Variants in THSD4 observed in about 807,000 individuals in gnomAD.
The protein encoded by THSD4 is thrombospondin type-1 domain-containing protein 4.
Under a neutral mutation model 119.0 loss-of-function variants are expected in THSD4, and 69 were observed. That is an observed-to-expected ratio of 0.58 (90% CI 0.48 to 0.71). THSD4 has a LOEUF of 0.71. THSD4 is among the 30% of genes least tolerant of loss of function. The pLI, the probability that THSD4 is intolerant of heterozygous loss-of-function variation, is 0.00. For synonymous variants in THSD4, 524 were observed against 540.4 expected (o/e 0.97, Z 0.42); for missense variants, 1,393 against 1,391.1 (o/e 1.00, Z -0.02).
intron 8 of THSD4, among the ~76,000 whole-genome samples, chr15:71,671,449 A>G (rs1346638389): frequency 1.3e-5 from 2 of 152,032 alleles, no homozygotes; most frequent in Non-Finnish European, 2.9e-5. Context: ...GTTCACTCTG[A>G]TGGTAGTTTG....
chr15:71,185,058 G>T (rs1384039022), intron 3 of THSD4, among the ~76,000 whole-genome samples: 1 of 151,588 alleles, frequency 6.6e-6, no homozygotes, highest in Non-Finnish European at 1.5e-5. Flanking sequence ...AAACCTTTGA[G>T]CTAAGCCCAT....
intron 5 of THSD4, among the ~76,000 whole-genome samples, chr15:71,248,391 C>T (rs370715330): frequency 1.3e-5 from 2 of 152,186 alleles, no homozygotes; most frequent in Non-Finnish European, 2.9e-5. Context: ...CTTTTAGGTG[C>T]TCTGAATGCA....
intron 7 of THSD4, among the ~76,000 whole-genome samples, chr15:71,458,062 G>A (rs55769043): frequency 3.9e-5 from 6 of 152,114 alleles, no homozygotes; most frequent in East Asian, 1.9e-4. Flanking sequence ...GAAACAATCC[G>A]GTGAAAATAT....
intron 11 of THSD4, among the ~76,000 whole-genome samples, chr15:71,744,819 T>C (rs899408821): frequency 2.6e-5 from 4 of 152,230 alleles, no homozygotes; most frequent in African/African-American, 9.6e-5. Flanking sequence ...ATGAAGATGC[T>C]TTGTATCTGC....
chr15:71,608,611 C>T (rs1366459778), intron 7 of THSD4, among the ~76,000 whole-genome samples: 1 of 152,070 alleles, frequency 6.6e-6, no homozygotes, highest in East Asian at 1.9e-4. Context: ...TCGGATTATG[C>T]CTTTAGGATT....
chr15:71,614,151 G>C (rs2047687), intron 7 of THSD4, among the ~76,000 whole-genome samples: 1 of 151,952 alleles, frequency 6.6e-6, no homozygotes, highest in African/African-American at 2.4e-5. Context: ...TCTGTCCCAG[G>C]TTAAACACTT....
upstream of THSD4, chr15:71,112,005 C>A (rs553474345): frequency 1.7e-6 from 2 of 1,165,076 alleles, no homozygotes; most frequent in South Asian, 1.6e-5. Flanking sequence ...ATAAGTTTCC[C>A]CCCAAAGGGT....
intron 7 of THSD4, among the ~76,000 whole-genome samples, chr15:71,487,562 A>G (rs2047841837): frequency 6.6e-6 from 1 of 152,212 alleles, no homozygotes; most frequent in Non-Finnish European, 1.5e-5. Flanking sequence ...ATAGAAAAAA[A>G]TCTTCTTTGA....
chr15:71,148,289 A>C (rs888571969), intron 2 of THSD4, among the ~76,000 whole-genome samples: 1 of 152,240 alleles, frequency 6.6e-6, no homozygotes, highest in South Asian at 2.1e-4. Context: ...CTGACAGTAC[A>C]GTAAACAACA....
In THSD4 at chr15:71,409,553, T is replaced by C. The variant is rs1055716161; in HGVS notation, c.1016-2134T>C. The stretch of plus-strand genomic sequence containing the variant: ...TCCATCTTGGTATTCTTTTATTTTT[T>C]CCCCCAAATCACCTCTTACATCTTT... On this transcript the variant is annotated intron_variant, in intron 6 of 17. Transcript: ENST00000261862. Among the ~76,000 whole-genome samples, 4 of 152,124 alleles carry C rather than the reference T, an allele frequency of 2.6e-5. No homozygotes were observed. In the South Asian group the frequency reaches 6.2e-4, roughly 24 times the overall value.
chr15:71,144,033 A>G (rs1247733499), intron 2 of THSD4, among the ~76,000 whole-genome samples: 1 of 152,108 alleles, frequency 6.6e-6, no homozygotes, highest in Non-Finnish European at 1.5e-5. Context: ...GCTAGATGCT[A>G]CCCTTGTGGT....
chr15:71,115,581 C>G lies in THSD4; in HGVS notation c.-197C>G, dbSNP rs964470167. ...CCCGTGCAGGGCGGGCGCGGGGCGGCTGGGCGGCGGTGGCGGCCGTCCATG... is the reference window on the plus strand; with the variant it reads ...CCCGTGCAGGGCGGGCGCGGGGCGGGTGGGCGGCGGTGGCGGCCGTCCATG... On this transcript the variant is annotated 5_prime_UTR_variant, in exon 1 of 18. Coordinates refer to ENST00000261862, the MANE Select transcript of THSD4 (RefSeq NM_024817.3). This position sits in a 1 kb window ranked among gnomAD's most constrained non-coding sequence, Gnocchi z 4.4. 6 of 149,266 alleles carry G rather than the reference C, an allele frequency of 4.0e-5. No individual in the cohort carries two copies. The highest frequency in any genetic ancestry group is 1.5e-4 in the African/African-American group (6 of 41,106). The allele number at this position is 149,266 out of a possible 1,614,324, so 9.2% of individuals were successfully genotyped here. A position where few individuals can be genotyped will look rare whatever the true frequency, so the allele number is the denominator to read the frequency against.
At chr15:71,353,533 C>T (rs1303083295) in intron 6 of THSD4, among the ~76,000 whole-genome samples, 14 of 152,182 alleles carry the variant, frequency 9.2e-5, no homozygotes, top group Non-Finnish European at 2.1e-4. Context: ...ATCTGAGGTC[C>T]CTGACCCAGA....
At chr15:71,283,700 C>T (rs1251677748) in intron 6 of THSD4, among the ~76,000 whole-genome samples, 6 of 152,160 alleles carry the variant, frequency 3.9e-5, no homozygotes, top group Non-Finnish European at 7.4e-5. Context: ...CAGATAGATC[C>T]AACAGCTAGT....
At chr15:71,317,511 T>C (rs2045205473) in intron 6 of THSD4, among the ~76,000 whole-genome samples, 1 of 152,196 alleles carries the variant, frequency 6.6e-6, no homozygotes, top group South Asian at 2.1e-4. Flanking sequence ...ACTTATTCAC[T>C]ATCATGAGAA....
At chr15:71,313,803 G>T (rs1005081930) in intron 6 of THSD4, among the ~76,000 whole-genome samples, 2 of 152,102 alleles carry the variant, frequency 1.3e-5, no homozygotes, top group African/African-American at 4.8e-5. Context: ...GGTTTGTACC[G>T]ACTGGGGGCT....
chr15:71,768,039 A>G (rs1595932551), intron 16 of THSD4, among the ~76,000 whole-genome samples: 1 of 152,332 alleles, frequency 6.6e-6, no homozygotes, highest in African/African-American at 2.4e-5. Flanking sequence ...ATGTTAGGGA[A>G]CCAACTTATT....
At chr15:71,470,350 G>A (rs1024634045) in intron 7 of THSD4, among the ~76,000 whole-genome samples, 2 of 152,138 alleles carry the variant, frequency 1.3e-5, no homozygotes, top group African/African-American at 2.4e-5. Context: ...TTTCCTAGAG[G>A]TTGACTACTT....
intron 7 of THSD4, among the ~76,000 whole-genome samples, chr15:71,525,448 A>G (rs1413547065): frequency 6.6e-6 from 1 of 152,260 alleles, no homozygotes; most frequent in Non-Finnish European, 1.5e-5. Flanking sequence ...AGGAAGATAC[A>G]GAACTGGACA....
Sources: gnomAD v4.1 joint callset for allele counts (sites outside exome capture counted in the v4.1 genomes callset) on GRCh38, gnomAD v4.1.1 for gene constraint, Gnocchi (gnomAD v3.1) non-coding constraint, MANE v1.5 for transcripts, NCBI Gene and HGNC (gene_info 2026-07-23, HGNC 2026-07-21) for gene names.